The following FMNL2 variants were observed in gnomAD, a reference collection of about 807,000 sequenced individuals.
FMNL2 encodes the protein formin-like protein 2.
Under a neutral mutation model 130.2 loss-of-function variants are expected in FMNL2, and 51 were observed. The ratio of observed to expected loss-of-function variants is 0.39; its 90% confidence interval spans 0.31 to 0.49. The LOEUF is 0.49. FMNL2 is among the 20% of genes least tolerant of loss of function. The pLI is 0.85. For missense variants in FMNL2, 977 were observed against 1,316.2 expected (o/e 0.74, Z 3.99); for synonymous variants, 465 against 467.1 (o/e 1.00, Z 0.06).
At chr2:152,447,192 C>T (rs1688392626) in intron 1 of FMNL2, among the ~76,000 whole-genome samples, 4 of 151,936 alleles carry the variant, frequency 2.6e-5, no homozygotes, top group Admixed American at 2.6e-4. Flanking sequence ...CCTTGATCTC[C>T]CAGGTTCTAG....
intron 1 of FMNL2, among the ~76,000 whole-genome samples, chr2:152,369,803 T>G (rs1051254096): frequency 6.6e-6 from 1 of 152,244 alleles, no homozygotes; most frequent in African/African-American, 2.4e-5. Flanking sequence ...CATTGACTTT[T>G]CTTCTTTCTT....
chr2:152,564,615 C>T (rs1451807558), intron 6 of FMNL2, among the ~76,000 whole-genome samples: 1 of 151,946 alleles, frequency 6.6e-6, no homozygotes, highest in Non-Finnish European at 1.5e-5. Flanking sequence ...CACCTGTAAT[C>T]ACAGCTACTT....
chr2:152,379,137 A>G (rs1320384523), intron 1 of FMNL2, among the ~76,000 whole-genome samples: 1 of 151,908 alleles, frequency 6.6e-6, no homozygotes, highest in African/African-American at 2.4e-5. Flanking sequence ...AGGAAGGGAG[A>G]TTTGTTTAGA....
Position 152,596,610 on chromosome 2 carries a change from TCC to T in FMNL2, c.877-10728_877-10727del, listed in dbSNP as rs774594194. On this transcript the variant is annotated intron_variant, in intron 9 of 25. Transcript: ENST00000288670. Reference sequence around the variant, plus strand: ...TTATGCAAGTTATATGTTGATATTTTCCATATTAGAAATTACAACAAAATTTC... The same window carrying T: ...TTATGCAAGTTATATGTTGATATTTTATATTAGAAATTACAACAAAATTTC... Among the ~76,000 whole-genome samples, 144 of 152,328 alleles carry T rather than the reference TCC, an allele frequency of 9.5e-4. 1 individual carries two copies. The highest frequency in any genetic ancestry group is 1.8e-3 in the Admixed American group (27 of 15,296).
chr2:152,366,507 C>T (rs532309324), intron 1 of FMNL2, among the ~76,000 whole-genome samples: 1 of 152,142 alleles, frequency 6.6e-6, no homozygotes, highest in East Asian at 1.9e-4. Context: ...GAGAACAGTG[C>T]ATTTGCCTCT....
chr2:152,377,017 G>A (rs1579516537), intron 1 of FMNL2, among the ~76,000 whole-genome samples: 3 of 152,330 alleles, frequency 2.0e-5, no homozygotes, highest in Admixed American at 2.0e-4. Flanking sequence ...GCTTTGTGGA[G>A]TCACATAGAT....
In FMNL2 at chr2:152,410,831, G is replaced by A. The variant is rs77665113; in HGVS notation, c.117+75111G>A. 6.6e-3 allele frequency among the ~76,000 whole-genome samples: 1,007 copies of A among 152,312 alleles called. 20 individuals carry two copies. Among genetic ancestry groups the A allele is most frequent in the African/African-American group, 0.023 (966 of 41,570 alleles). Reference sequence around the variant, plus strand: ...AATGAGACCCCCCCTTGGGAGAGAAGTATAAATGTTGTGAGCAGAGTGGCC... The same window carrying A: ...AATGAGACCCCCCCTTGGGAGAGAAATATAAATGTTGTGAGCAGAGTGGCC... On this transcript the variant is annotated intron_variant, in intron 1 of 25. Coordinates refer to ENST00000288670, the MANE Select transcript of FMNL2 (RefSeq NM_052905.4).
intron 25 of FMNL2, chr2:152,643,639 A>C: frequency 6.8e-7 from 1 of 1,480,318 alleles, no homozygotes; most frequent in South Asian, 1.3e-5. Context: ...CCATCATGTT[A>C]TATTTTGTGT....
At chr2:152,409,406 A>G (rs916615674) in intron 1 of FMNL2, among the ~76,000 whole-genome samples, 1 of 152,134 alleles carries the variant, frequency 6.6e-6, no homozygotes, top group Non-Finnish European at 1.5e-5. Flanking sequence ...TGTGGGTAAA[A>G]CTAGTTTGAG....
intron 1 of FMNL2, among the ~76,000 whole-genome samples, chr2:152,468,922 T>G (rs1397457203): frequency 6.6e-6 from 1 of 152,124 alleles, no homozygotes; most frequent in South Asian, 2.1e-4. Context: ...AATTGGTACT[T>G]TAGGATATAA....
chr2:152,636,698 G>C lies in FMNL2; in HGVS notation c.2844+108G>C. On this transcript the variant is annotated intron_variant, in intron 22 of 25. Coordinates refer to ENST00000288670, the MANE Select transcript of FMNL2 (RefSeq NM_052905.4). ...AATGTTCCATTTCCCTCTGTTTGTG[G>C]AGGGTAGCTTTCTTGTTGTAACTAT... 2.3e-6 allele frequency: 3 copies of C among 1,310,328 alleles called. No homozygotes were observed. The South Asian group carries it at 4.5e-5, about 20-fold the overall frequency. 81.2% of individuals were successfully genotyped at this position (1,310,328 alleles called of 1,614,324 possible). A position where few individuals can be genotyped will look rare whatever the true frequency, so the allele number is the denominator to read the frequency against.
At chr2:152,540,434 A>G (rs942343802) in intron 2 of FMNL2, among the ~76,000 whole-genome samples, 2 of 152,194 alleles carry the variant, frequency 1.3e-5, no homozygotes, top group African/African-American at 2.4e-5. Context: ...TGAAGGAATA[A>G]TTAGAAAAAG....
intron 1 of FMNL2, among the ~76,000 whole-genome samples, chr2:152,471,316 A>C (rs370499761): frequency 4.6e-5 from 7 of 152,338 alleles, no homozygotes; most frequent in African/African-American, 1.7e-4. Context: ...ATGCAGTTAC[A>C]AATCAGTTTT....
chr2:152,443,300 A>T (rs1688162907), intron 1 of FMNL2, among the ~76,000 whole-genome samples: 1 of 152,134 alleles, frequency 6.6e-6, no homozygotes, highest in South Asian at 2.1e-4. Context: ...TCGGTGCACT[A>T]GCCTTCACTT....
Position 152,618,183 on chromosome 2 carries a change from T to C in FMNL2, c.1315-663T>C, listed in dbSNP as rs148563893. Among the ~76,000 whole-genome samples the C allele has an allele frequency of 2.6e-5, 4 of 152,260 alleles. No homozygotes were observed. The East Asian group carries it at 7.7e-4, about 29-fold the overall frequency. On this transcript the variant is annotated intron_variant, in intron 13 of 25. Coordinates refer to ENST00000288670, the MANE Select transcript of FMNL2 (RefSeq NM_052905.4). ...ACCAGGACAGTCTTTGAATTGAAAATTGTAACTTCTTTGTTTTCTGCTAAA... is the reference window on the plus strand; with the variant it reads ...ACCAGGACAGTCTTTGAATTGAAAACTGTAACTTCTTTGTTTTCTGCTAAA...
chr2:152,460,556 G>T (rs1482564727), intron 1 of FMNL2, among the ~76,000 whole-genome samples: 1 of 152,176 alleles, frequency 6.6e-6, no homozygotes, highest in Non-Finnish European at 1.5e-5. Context: ...TCTTCATAGA[G>T]CAGGGGTCCC....
intron 1 of FMNL2, among the ~76,000 whole-genome samples, chr2:152,472,405 AT>A (rs1039644012): frequency 2.0e-5 from 3 of 152,220 alleles, no homozygotes; most frequent in African/African-American, 7.2e-5. Context: ...TTCAAAAAAG[AT>A]TTTTTTCTTT....
intron 1 of FMNL2, among the ~76,000 whole-genome samples, chr2:152,521,378 A>G (rs932207970): frequency 1.2e-4 from 18 of 152,206 alleles, no homozygotes; most frequent in African/African-American, 4.1e-4. Context: ...ATATAGCTCA[A>G]CTGAGAATTG....
chr2:152,395,867 G>A (rs1249328016), intron 1 of FMNL2, among the ~76,000 whole-genome samples: 1 of 151,250 alleles, frequency 6.6e-6, no homozygotes, highest in African/African-American at 2.4e-5. Context: ...GATAAATGAA[G>A]GTGGGAGTCG....
Sources: allele counts gnomAD v4.1 joint callset (sites outside exome capture counted in the v4.1 genomes callset), GRCh38; gene constraint gnomAD v4.1.1; transcripts MANE v1.5; gene names NCBI Gene and HGNC (gene_info 2026-07-23, HGNC 2026-07-21).